The following XYLB variants were observed in gnomAD, a reference collection of about 807,000 sequenced individuals.
The protein encoded by XYLB is xylulose kinase.
A neutral mutation model predicts 78.7 loss-of-function variants in XYLB; 62 were observed. The observed-to-expected ratio is 0.79, with a 90% CI of 0.64 to 0.97. The LOEUF is 0.97. Among genes scored for constraint, XYLB ranks in the 50% least tolerant of loss-of-function variants. The pLI is 0.00. For missense variants in XYLB, 687 were observed against 676.8 expected (o/e 1.02, Z -0.17); for synonymous variants, 245 against 247.4 (o/e 0.99, Z 0.09).
At chr3:38,378,880 A>G (rs927517217) in intron 14 of XYLB, among the ~76,000 whole-genome samples, 2 of 150,368 alleles carry the variant, frequency 1.3e-5, no homozygotes, top group Non-Finnish European at 3.0e-5. Context: ...CAACAACCCT[A>G]AAAAACAGGC....
intron 15 of XYLB, among the ~76,000 whole-genome samples, chr3:38,383,094 T>TAGCATACA (rs1707226900): frequency 6.6e-6 from 1 of 152,248 alleles, no homozygotes; most frequent in Non-Finnish European, 1.5e-5. Flanking sequence ...TACTAACAGC[T>TAGCATACA]GCCAGCATTT....
chr3:38,395,810 T>C (rs923135564), intron 16 of XYLB, among the ~76,000 whole-genome samples: 1 of 152,122 alleles, frequency 6.6e-6, no homozygotes, highest in African/African-American at 2.4e-5. Context: ...TCCTCTGGAG[T>C]CACATGGAAA....
At chr3:38,421,628 A>C (rs913031218), downstream of XYLB, among the ~76,000 whole-genome samples, 10 of 152,200 alleles carry the variant, frequency 6.6e-5, no homozygotes, top group African/African-American at 2.2e-4. Context: ...GGATATTCCT[A>C]TAACTGGTCA....
At chr3:38,450,839 T>C in the XYLB span, among the ~76,000 whole-genome samples, 1 of 152,186 alleles carries the variant, frequency 6.6e-6, no homozygotes, top group Non-Finnish European at 1.5e-5. Context: ...ATTGCAACAG[T>C]CCAGATATAA....
downstream of XYLB, among the ~76,000 whole-genome samples, chr3:38,421,628 A>G (rs913031218): frequency 1.3e-5 from 2 of 152,202 alleles, no homozygotes; most frequent in African/African-American, 4.8e-5. Context: ...GGATATTCCT[A>G]TAACTGGTCA....
chr3:38,351,171 C>CAAAAAAAAAAAAAAA (rs58457623), intron 2 of XYLB, among the ~76,000 whole-genome samples: 16 of 23,086 alleles, frequency 6.9e-4, no homozygotes, highest in South Asian at 2.0e-3. Context: ...GAGCCTGTCT[C>CAAAAAAAAAAAAAAA]AAAAAAAAAA....
chr3:38,413,057 C>T lies in XYLB; in HGVS notation c.*44C>T. The T allele has an allele frequency of 6.5e-7, 1 of 1,540,486 alleles. No individual in the cohort carries two copies. The highest frequency in any genetic ancestry group is 8.7e-7 in the Non-Finnish European group (1 of 1,143,254). ...CCTGCCTGCCCAGATTTACTGACCC[C>T]ATTTGTCGACATGGCCCCAGACAGG... On this transcript the variant is annotated 3_prime_UTR_variant, in exon 19 of 19. Transcript: ENST00000207870.
chr3:38,441,672 C>A, the XYLB span, among the ~76,000 whole-genome samples: 1 of 152,128 alleles, frequency 6.6e-6, no homozygotes, highest in Admixed American at 6.5e-5. Flanking sequence ...ACCTAGTATG[C>A]CATTTACACC....
chr3:38,425,053 C>T (rs191442556), downstream of XYLB, among the ~76,000 whole-genome samples: 33 of 152,324 alleles, frequency 2.2e-4, no homozygotes, highest in East Asian at 3.1e-3. Context: ...GTGCATTCCT[C>T]GTCTTTTACA....
intron 18 of XYLB, among the ~76,000 whole-genome samples, chr3:38,405,439 C>G (rs565480615): frequency 6.6e-6 from 1 of 151,318 alleles, no homozygotes; most frequent in East Asian, 2.0e-4. Flanking sequence ...GGGTCTACAG[C>G]TCCCAGCATG....
Position 38,376,937 on chromosome 3 carries a change from G to A in XYLB, c.1140G>A (p.Met380Ile). The change falls in exon 14 of 19, where the codon ATG (methionine) becomes ATA (isoleucine). Residue 380 changes from methionine to isoleucine, a missense_variant. Coordinates refer to ENST00000207870, the MANE Select transcript of XYLB (RefSeq NM_005108.4). ...TTTCAGGTTTTTATTTTGATGTAAT[G>A]GAGATCACCCCTGAAATTATTGGAC... ...GGNLGFYFDV[M>I]EITPEIIGRH... 1 of 1,613,864 alleles carries A rather than the reference G, an allele frequency of 6.2e-7. No homozygotes were observed. Among genetic ancestry groups the A allele is most frequent in the East Asian group, 2.2e-5 (1 of 44,864 alleles).
intron 8 of XYLB, among the ~76,000 whole-genome samples, chr3:38,369,058 G>C (rs936537744): frequency 2.0e-5 from 3 of 152,150 alleles, no homozygotes; most frequent in Non-Finnish European, 2.9e-5. Flanking sequence ...TGGACAGAAT[G>C]GGGGTAGAGA....
At position 38,405,697 on chromosome 3, in the gene XYLB, C is replaced by T. The variant is rs141609986; in HGVS notation, c.1533+4712C>T. Among the ~76,000 whole-genome samples the T allele has an allele frequency of 8.0e-3, 1,217 of 152,354 alleles. 12 individuals are homozygous for T. Among genetic ancestry groups the T allele is most frequent in the African/African-American group, 0.024 (1,012 of 41,588 alleles). On this transcript the variant is annotated intron_variant, in intron 18 of 18. Transcript: ENST00000207870. ...CTCTCACCCTAATACTGCGCTTTTC[C>T]GACAGGCTTAAAAAACGGCGCACCA...
rs374000174 is a variant in XYLB, at chr3:38,397,148, G to A, written c.1427G>A (p.Arg476Gln). ...TCGGCCTGTGTGGGTTCTGCATACC[G>A]AGCTTTTCATGGTAGGTTGATGGAG... The part of the protein sequence containing the change: ...ANSACVGSAY[R>Q]AFHGLAGGTD... The change falls in exon 17 of 19, where the codon CGA becomes CAA. Residue 476 changes from arginine (R) to glutamine (Q), a missense_variant. By Grantham distance (43) the Arg-to-Gln change is conservative (BLOSUM62 1). Transcript: ENST00000207870. 57 of 1,613,980 alleles carry A rather than the reference G, an allele frequency of 3.5e-5. No individual in the cohort carries two copies. The highest frequency in any genetic ancestry group is 2.1e-5 in the Non-Finnish European group (25 of 1,180,014).
exon 18 of XYLB, among the ~76,000 whole-genome samples, chr3:38,420,394 T>G (rs1473258670): frequency 6.6e-6 from 1 of 152,226 alleles, no homozygotes; most frequent in Non-Finnish European, 1.5e-5. Context: ...GGACAGCATT[T>G]TATCACTAAG....
intron 9 of XYLB, among the ~76,000 whole-genome samples, chr3:38,371,455 TA>T (rs1706558381): frequency 6.6e-6 from 1 of 152,160 alleles, no homozygotes; most frequent in South Asian, 2.1e-4. Context: ...TTTATATTTT[TA>T]GTAGAGACGG....
At chr3:38,429,466 A>C in the XYLB span, among the ~76,000 whole-genome samples, 2 of 152,296 alleles carry the variant, frequency 1.3e-5, no homozygotes, top group Admixed American at 1.3e-4. Context: ...GGGTGGCTTA[A>C]ACAACAGACA....
the XYLB span, among the ~76,000 whole-genome samples, chr3:38,442,121 T>G: frequency 2.6e-5 from 4 of 152,178 alleles, no homozygotes; most frequent in African/African-American, 9.6e-5. Flanking sequence ...ATTGTTTTAA[T>G]GTCTTAGGGC....
In XYLB at chr3:38,379,293, A is replaced by G. The variant is rs1241269771; in HGVS notation, c.1242A>G (p.Gly414=). The G allele has an allele frequency of 6.2e-7, 1 of 1,614,104 alleles. No individual in the cohort carries two copies. The highest frequency in any genetic ancestry group is 1.1e-5 in the South Asian group (1 of 91,074). Residue 414 remains glycine, a synonymous_variant, in exon 15 of 19, where the codon GGA becomes GGG. Transcript: ENST00000207870. ...GDVEVRALIE[G]QFMAKRIHAE... is the part of the protein sequence containing the mutation. ...TGGAGGTTCGAGCACTAATTGAAGG[A>G]CAATTCATGGCCAAGAGGATTCACG...
Sources: allele counts gnomAD v4.1 joint callset (sites outside exome capture counted in the v4.1 genomes callset), GRCh38; gene constraint gnomAD v4.1.1; transcripts MANE v1.5; gene names NCBI Gene and HGNC (gene_info 2026-07-23, HGNC 2026-07-21).